The following DYNC1I1 variants were observed in gnomAD, a reference collection of about 807,000 sequenced individuals.
The protein encoded by DYNC1I1 is dynein cytoplasmic 1 intermediate chain 1, also known as cytoplasmic dynein 1 intermediate chain 1.
In DYNC1I1, 43 loss-of-function variants were observed where a neutral mutation model predicts 86.6. The ratio of observed to expected loss-of-function variants is 0.50; its 90% confidence interval spans 0.39 to 0.64. The LOEUF (loss-of-function observed/expected upper bound fraction) is 0.64. Ranked by LOEUF, DYNC1I1 falls within the 30% of genes least tolerant of loss-of-function variation. The pLI, the probability that DYNC1I1 is intolerant of heterozygous loss-of-function variation, is 0.00. For missense variants in DYNC1I1, 604 were observed against 788.8 expected (o/e 0.77, Z 2.81); for synonymous variants, 262 against 283.7 (o/e 0.92, Z 0.77).
intron 5 of DYNC1I1, among the ~76,000 whole-genome samples, chr7:95,841,832 T>C (rs1234223779): frequency 6.6e-6 from 1 of 152,206 alleles, no homozygotes; most frequent in Non-Finnish European, 1.5e-5. Context: ...TAACCCCTTC[T>C]AGGGAAAAGC....
chr7:95,793,209 G>A (rs1312254998), intron 1 of DYNC1I1, among the ~76,000 whole-genome samples: 1 of 152,144 alleles, frequency 6.6e-6, no homozygotes, highest in Non-Finnish European at 1.5e-5. Context: ...AATGTGAAAG[G>A]ACATGGATCA....
intron 14 of DYNC1I1, among the ~76,000 whole-genome samples, chr7:96,065,681 C>A (rs1227421433): frequency 6.6e-6 from 1 of 152,166 alleles, no homozygotes; most frequent in Non-Finnish European, 1.5e-5. Context: ...AGCCACCGCG[C>A]CGAGCATCCC....
chr7:96,004,225 T>G (rs149669109), intron 10 of DYNC1I1, among the ~76,000 whole-genome samples: 75 of 152,326 alleles, frequency 4.9e-4, no homozygotes, highest in African/African-American at 1.7e-3. Flanking sequence ...TTTTAAATGG[T>G]ATGTTCATTA....
At chr7:95,934,124 TTGGACTAAAAACTGCA>T (rs1186717706) in intron 6 of DYNC1I1, among the ~76,000 whole-genome samples, 1 of 152,110 alleles carries the variant, frequency 6.6e-6, no homozygotes, top group Admixed American at 6.5e-5. Flanking sequence ...GTTCAATTTC[TTGGACTAAAAACTGCA>T]TGGAGACAGG....
chr7:95,950,165 A>T (rs1792515008), intron 6 of DYNC1I1, among the ~76,000 whole-genome samples: 1 of 152,222 alleles, frequency 6.6e-6, no homozygotes, highest in Non-Finnish European at 1.5e-5. Context: ...GTGAAAAACG[A>T]GCCTTGCGAA....
chr7:95,923,903 T>C (rs1791674586), intron 6 of DYNC1I1, among the ~76,000 whole-genome samples: 1 of 152,150 alleles, frequency 6.6e-6, no homozygotes, highest in Non-Finnish European at 1.5e-5. Context: ...TGGAACTTAA[T>C]AGGCATAATG....
At chr7:95,934,504 A>C (rs547373082) in intron 6 of DYNC1I1, among the ~76,000 whole-genome samples, 9 of 152,312 alleles carry the variant, frequency 5.9e-5, no homozygotes, top group African/African-American at 1.4e-4. Flanking sequence ...TTACATATCC[A>C]CAAATAAAAT....
At chr7:95,866,818 C>T (rs1394197449) in intron 5 of DYNC1I1, among the ~76,000 whole-genome samples, 3 of 152,122 alleles carry the variant, frequency 2.0e-5, no homozygotes, top group Non-Finnish European at 4.4e-5. Context: ...CCAGAAGAAC[C>T]ACAAGCTTAT....
intron 7 of DYNC1I1, among the ~76,000 whole-genome samples, chr7:95,981,801 G>T (rs2115665749): frequency 6.6e-6 from 1 of 152,128 alleles, no homozygotes; most frequent in Middle Eastern, 3.4e-3. Context: ...ATTTTGTTTT[G>T]GTATGCCCTT....
chr7:95,894,440 G>C (rs1342542551), intron 6 of DYNC1I1, among the ~76,000 whole-genome samples: 1 of 102,178 alleles, frequency 9.8e-6, no homozygotes, highest in East Asian at 2.4e-4. Flanking sequence ...TGGGGGTTAG[G>C]ATTTCAATAC....
chr7:96,091,121 C>T (rs957394984), intron 16 of DYNC1I1, among the ~76,000 whole-genome samples: 11 of 152,134 alleles, frequency 7.2e-5, no homozygotes, highest in African/African-American at 2.7e-4. Flanking sequence ...AGTAAGTCAA[C>T]AATCTCCTGA....
intron 5 of DYNC1I1, among the ~76,000 whole-genome samples, chr7:95,840,797 A>G (rs1245053989): frequency 6.6e-6 from 1 of 152,224 alleles, no homozygotes; most frequent in African/African-American, 2.4e-5. Flanking sequence ...GTACTAGAGT[A>G]TGCTAAACCC....
At chr7:95,887,394 C>A (rs943212794) in intron 6 of DYNC1I1, among the ~76,000 whole-genome samples, 1 of 152,088 alleles carries the variant, frequency 6.6e-6, no homozygotes, top group African/African-American at 2.4e-5. Flanking sequence ...TCTCTCCTCC[C>A]CTTTCACCTT....
intron 6 of DYNC1I1, among the ~76,000 whole-genome samples, chr7:95,975,395 C>T (rs892189067): frequency 7.2e-5 from 11 of 152,086 alleles, no homozygotes; most frequent in Admixed American, 1.3e-4. Flanking sequence ...TCCTAACTTC[C>T]GGTGGTTTTC....
chr7:96,082,181 T>C (rs1420025307), intron 16 of DYNC1I1, among the ~76,000 whole-genome samples: 2 of 152,128 alleles, frequency 1.3e-5, no homozygotes, highest in Non-Finnish European at 2.9e-5. Flanking sequence ...AATGTATCTT[T>C]CTCATGGCCC....
intron 6 of DYNC1I1, among the ~76,000 whole-genome samples, chr7:95,889,087 T>C (rs571690006): frequency 6.6e-6 from 1 of 152,218 alleles, no homozygotes; most frequent in East Asian, 1.9e-4. Context: ...GTGAGCCTAG[T>C]AGAAATTAGC....
chr7:96,061,929 C>T (rs561542523), intron 14 of DYNC1I1, among the ~76,000 whole-genome samples: 6 of 152,184 alleles, frequency 3.9e-5, no homozygotes, highest in East Asian at 1.9e-4. Flanking sequence ...CTTTGTAAGG[C>T]GGGGTGATAA....
intron 6 of DYNC1I1, among the ~76,000 whole-genome samples, chr7:95,948,086 G>A (rs1178869964): frequency 1.3e-5 from 2 of 151,564 alleles, no homozygotes; most frequent in African/African-American, 4.9e-5. Flanking sequence ...AACAGTGGGC[G>A]AGTAAGAATT....
At chr7:95,844,604 T>C (rs1347538994) in intron 5 of DYNC1I1, among the ~76,000 whole-genome samples, 1 of 150,526 alleles carries the variant, frequency 6.6e-6, no homozygotes, top group Non-Finnish European at 1.5e-5. Flanking sequence ...CGGCGGGGGG[T>C]TAGAGGAATG....
Sources: gnomAD v4.1 joint callset for allele counts (sites outside exome capture counted in the v4.1 genomes callset) on GRCh38, gnomAD v4.1.1 for gene constraint, MANE v1.5 for transcripts, NCBI Gene and HGNC (gene_info 2026-07-23, HGNC 2026-07-21) for gene names.